Variants in THAP12 observed in about 807,000 individuals in gnomAD.
THAP12 encodes the protein THAP domain containing 12, also known as 52 kDa repressor of the inhibitor of the protein kinase.
THAP12 carries 20 observed loss-of-function variants against 63.0 expected under a neutral mutation model. The ratio of observed to expected loss-of-function variants is 0.32; its 90% CI spans 0.22 to 0.46. THAP12 has a LOEUF of 0.46. THAP12 is among the 20% of genes least tolerant of loss of function. THAP12 has a pLI of 1.00. For synonymous variants in THAP12, 264 were observed against 328.4 expected, an observed-to-expected ratio of 0.80 and a Z score of 2.12; for missense variants, 568 against 908.2, an observed-to-expected ratio of 0.63 and a Z score of 4.81.
chr11:76,371,236 T>G lies in THAP12; in HGVS notation c.90-5264A>C, dbSNP rs1011289350. Among the ~76,000 whole-genome samples, 3 of 152,318 alleles carry G rather than the reference T, an allele frequency of 2.0e-5. No homozygotes were observed. In the East Asian group the frequency reaches 5.8e-4, roughly 29 times the overall value. On this transcript the variant is annotated intron_variant, in intron 1 of 4. Transcript: ENST00000260045. Reference sequence around the variant, plus strand: ...GTCTCTCCCATGCTTAAGCTTTTAGTGGCTTCTCATTACTCTCAGGATAAA... The same window carrying G: ...GTCTCTCCCATGCTTAAGCTTTTAGGGGCTTCTCATTACTCTCAGGATAAA...
Position 76,380,969 on chromosome 11 carries a change from G to T in THAP12, c.-133C>A. On this transcript the variant is annotated 5_prime_UTR_variant, in exon 1 of 5. Coordinates refer to ENST00000260045, the MANE Select transcript of THAP12 (RefSeq NM_004705.4). ...CAGGGCCGACGCGCGGGGGAGGGGC[G>T]GGCGGGCTAGAAGCCGCGAGGGCCA... 2.5e-6 allele frequency: 1 copy of T among 407,724 alleles called. No individual in the cohort carries two copies. Among genetic ancestry groups the T allele is most frequent in the Non-Finnish European group, 3.8e-6 (1 of 263,838 alleles). 25.3% of individuals were successfully genotyped at this position (407,724 alleles called of 1,614,324 possible).
At chr11:76,354,764 T>G (rs566958582) in intron 4 of THAP12, among the ~76,000 whole-genome samples, 1 of 152,196 alleles carries the variant, frequency 6.6e-6, no homozygotes, top group East Asian at 1.9e-4. Flanking sequence ...CTATTGCTAA[T>G]AGCCCACAAG....
At chr11:76,380,335 G>C (rs903834448) in intron 1 of THAP12, among the ~76,000 whole-genome samples, 5 of 152,156 alleles carry the variant, frequency 3.3e-5, no homozygotes, top group African/African-American at 1.2e-4. Context: ...GTGGTGGCAA[G>C]GAGAGGGAAA....
In THAP12 at chr11:76,351,356, G is replaced by A; in HGVS notation, c.1794C>T (p.His598=). 6.3e-7 allele frequency: 1 copy of A among 1,598,186 alleles called. No homozygotes were observed. The highest frequency in any genetic ancestry group is 8.6e-7 in the Non-Finnish European group (1 of 1,168,736). The change falls in exon 5 of 5, where the codon CAC becomes CAT. Residue 598 remains histidine (H), a synonymous_variant. Transcript: ENST00000260045. ...GAGATAAGCATTTAAGAGCTTTGAG[G>A]TGCTGTTCTGAGAATATATCTTTAA... is the stretch of plus-strand genomic sequence containing the variant. ...QELKDIFSEQ[H]LKALKCLSLV...
At chr11:76,377,442 T>A (rs768514359) in intron 1 of THAP12, among the ~76,000 whole-genome samples, 1 of 152,238 alleles carries the variant, frequency 6.6e-6, no homozygotes, top group Non-Finnish European at 1.5e-5. Flanking sequence ...ACCACTGATA[T>A]GCTTTCTATC....
intron 1 of THAP12, among the ~76,000 whole-genome samples, chr11:76,377,762 T>C (rs1488569974): frequency 6.6e-6 from 1 of 152,256 alleles, no homozygotes; most frequent in Non-Finnish European, 1.5e-5. Context: ...CGCCTAGGAA[T>C]GGAATTGCTG....
intron 2 of THAP12, 151 bp downstream of exon 2, chr11:76,365,701 A>G: frequency 9.2e-7 from 1 of 1,087,908 alleles, no homozygotes; most frequent in Non-Finnish European, 1.3e-6. Flanking sequence ...AACAAAACAG[A>G]TACTTTTCAG....
chr11:76,362,958 C>T (rs1269309095), intron 2 of THAP12, among the ~76,000 whole-genome samples: 1 of 152,108 alleles, frequency 6.6e-6, no homozygotes, highest in South Asian at 2.1e-4. Flanking sequence ...GCTTAGGTAA[C>T]ACGGCAAAAC....
In THAP12 at chr11:76,352,632, A is replaced by C; in HGVS notation, c.518T>G (p.Leu173Trp). 6.2e-7 allele frequency: 1 copy of C among 1,611,996 alleles called. No homozygotes were observed. The highest frequency in any genetic ancestry group is 1.1e-5 in the South Asian group (1 of 90,976). ...TATGTTTTGCTTTCCCATCAGAATC[A>C]AGATTTCAAATAGAGATTTTAGGTA... ...KEYLKSLFEILILMGKQNIPL... is the reference protein window; with the variant it reads ...KEYLKSLFEIWILMGKQNIPL... Residue 173 changes from leucine (L) to tryptophan (W), a missense_variant, in exon 5 of 5, where the codon TTG becomes TGG. Physicochemically the swap from Leu to Trp is moderately conservative, Grantham distance 61. Coordinates refer to ENST00000260045, the MANE Select transcript of THAP12 (RefSeq NM_004705.4).
rs1946524328 is a variant in THAP12, at chr11:76,351,238, G to A, written c.1912C>T (p.Leu638=). The A allele has an allele frequency of 3.2e-6, 5 of 1,555,260 alleles. No homozygotes were observed. The highest frequency in any genetic ancestry group is 1.2e-5 in the South Asian group (1 of 80,624). ...YRSDLPNPDT[L]SAELHCWRIK... ...CTCCAACAATGAAGCTCAGCTGACA[G>A]CGTGTCAGGATTGGGTAAGTCACTT... The change falls in exon 5 of 5, where the codon CTG becomes TTG. Residue 638 remains leucine, a synonymous_variant. Coordinates refer to ENST00000260045, the MANE Select transcript of THAP12 (RefSeq NM_004705.4).
In THAP12 at chr11:76,350,875, C is replaced by A. The variant is rs763105197; in HGVS notation, c.2275G>T (p.Glu759Ter). ...TTTTTAAAAGTCTCTTAGGTATTTT[C>A]CACAGTTTCGGAATTATCTGTAGGA... ...ELPTDNSETV[E>*]NT Residue 759 changes from glutamate (E) to a stop codon, truncating the protein, a stop_gained, in exon 5 of 5, where the codon GAA (glutamate) becomes TAA (stop). Transcript: ENST00000260045. LOFTEE classifies it high-confidence loss of function. 87 of 1,528,192 alleles carry A rather than the reference C, an allele frequency of 5.7e-5. No homozygotes were observed. The highest frequency in any genetic ancestry group is 6.9e-5 in the Non-Finnish European group (79 of 1,142,376). 94.7% of individuals were successfully genotyped at this position (1,528,192 alleles called of 1,614,324 possible). A position where few individuals can be genotyped will look rare whatever the true frequency, so the allele number is the denominator to read the frequency against.
rs565924310 is a variant in THAP12 at position 76,366,411 on chromosome 11, T to C, written c.90-439A>G. On this transcript the variant is annotated intron_variant, in intron 1 of 4. Transcript: ENST00000260045. The stretch of plus-strand genomic sequence containing the variant: ...AGAAAATCAGCAATTAGGCCGGGCG[T>C]GTTGTCACGCCTGTAATCCCAGCAC... 1.0e-3 allele frequency among the ~76,000 whole-genome samples: 159 copies of C among 152,276 alleles called. 1 individual carries two copies. Among genetic ancestry groups the C allele is most frequent in the African/African-American group, 3.5e-3 (145 of 41,566 alleles).
chr11:76,366,122 A>G, intron 1 of THAP12, 150 bp from the exon 2 acceptor site: 1 of 952,156 alleles, frequency 1.1e-6, no homozygotes, highest in Non-Finnish European at 1.5e-6. Flanking sequence ...TAACAAAATA[A>G]CAGTTGGAAA....
At chr11:76,356,296 C>T (rs915985455) in intron 3 of THAP12, 1 of 152,272 alleles carries the variant, frequency 6.6e-6, no homozygotes, top group African/African-American at 2.4e-5. Flanking sequence ...ATGCCAGTGA[C>T]AGCTGAAGAC....
At chr11:76,373,558 A>C (rs1474317392) in intron 1 of THAP12, among the ~76,000 whole-genome samples, 1 of 151,876 alleles carries the variant, frequency 6.6e-6, no homozygotes, top group African/African-American at 2.4e-5. Flanking sequence ...CTCTAAAAAA[A>C]ATTTTTTTCA....
intron 1 of THAP12, among the ~76,000 whole-genome samples, chr11:76,379,630 T>C (rs144510805): frequency 2.0e-5 from 3 of 152,310 alleles, no homozygotes; most frequent in Non-Finnish European, 4.4e-5. Flanking sequence ...CCTTCTCTAA[T>C]CACTGTATTT....
intron 1 of THAP12, among the ~76,000 whole-genome samples, chr11:76,379,016 T>G (rs1252541518): frequency 6.6e-6 from 1 of 152,128 alleles, no homozygotes; most frequent in African/African-American, 2.4e-5. Flanking sequence ...AATGCTCACG[T>G]TAAAAATCTT....
Position 76,352,627 on chromosome 11 carries a change from G to A in THAP12, c.523C>T (p.Leu175=). The part of the protein sequence containing the change: ...YLKSLFEILI[L]MGKQNIPLDG... ...AGAGGTATGTTTTGCTTTCCCATCA[G>A]AATCAAGATTTCAAATAGAGATTTT... The change falls in exon 5 of 5, where the codon CTG becomes TTG. Residue 175 remains leucine, a synonymous_variant. Coordinates refer to ENST00000260045, the MANE Select transcript of THAP12 (RefSeq NM_004705.4). 6.2e-7 allele frequency: 1 copy of A among 1,611,962 alleles called. No individual in the cohort carries two copies. Among genetic ancestry groups the A allele is most frequent in the Non-Finnish European group, 8.5e-7 (1 of 1,179,828 alleles).
intron 1 of THAP12, among the ~76,000 whole-genome samples, chr11:76,366,537 T>C (rs996713123): frequency 1.3e-5 from 2 of 152,028 alleles, no homozygotes; most frequent in African/African-American, 4.8e-5. Flanking sequence ...AAAAATTAGC[T>C]GGGCGAAGCG....
Sources: allele counts gnomAD v4.1 joint callset (sites outside exome capture counted in the v4.1 genomes callset), GRCh38; gene constraint gnomAD v4.1.1; transcripts MANE v1.5; gene names NCBI Gene and HGNC (gene_info 2026-07-23, HGNC 2026-07-21).